Variants in SLC9D1 observed in about 807,000 individuals in gnomAD.
The protein encoded by SLC9D1 is solute carrier family 9 member D1, also known as putative LAG1-interacting protein.
the SLC9D1 span, chr13:113,505,554 A>G: frequency 2.0e-5 from 3 of 152,228 alleles, no homozygotes; most frequent in East Asian, 5.8e-4. Context: ...TTGGAAAGCT[A>G]AATGTGGGGA....
the SLC9D1 span, among the ~76,000 whole-genome samples, chr13:113,546,746 G>A: frequency 6.6e-6 from 1 of 152,168 alleles, no homozygotes. The surrounding 1 kb of genome is among the most constrained non-coding windows in gnomAD (Gnocchi z 7.1). Context: ...CCCCAGCACC[G>A]CCGGCCCCTC....
At chr13:113,534,924 A>T in the SLC9D1 span, 1 of 152,318 alleles carries the variant, frequency 6.6e-6, no homozygotes, top group Admixed American at 6.5e-5. Context: ...TACTAAAAGT[A>T]CAAAAAAAAT....
the SLC9D1 span, chr13:113,539,549 T>A: frequency 2.5e-6 from 4 of 1,599,294 alleles, no homozygotes; most frequent in Admixed American, 6.7e-5. This position sits in a 1 kb window ranked among gnomAD's most constrained non-coding sequence, Gnocchi z 4.8. Flanking sequence ...TGGTTAAACG[T>A]ATGCAGAGTG....
the SLC9D1 span, among the ~76,000 whole-genome samples, chr13:113,513,588 A>G: frequency 6.6e-6 from 1 of 152,216 alleles, no homozygotes; most frequent in Non-Finnish European, 1.5e-5. Context: ...AATGTGTAAT[A>G]TACCCACAGC....
At chr13:113,496,035 AGAGAGGGAGAGAGAGAGAGAGG>A in the SLC9D1 span, 220 of 1,566,116 alleles carry the variant, frequency 1.4e-4, no homozygotes, top group Non-Finnish European at 1.7e-4. Context: ...GGTCAGTCCT[AGAGAGGGAGAGAGAGAGAGAGG>A]GAGAGGGAGA....
the SLC9D1 span, chr13:113,510,094 C>T: frequency 2.8e-6 from 2 of 718,762 alleles, no homozygotes; most frequent in East Asian, 2.5e-5. Flanking sequence ...GAGGATTCAC[C>T]ATGTTCAGAT....
chr13:113,511,031 C>T, the SLC9D1 span, among the ~76,000 whole-genome samples: 16 of 138,892 alleles, frequency 1.2e-4, no homozygotes, highest in South Asian at 2.1e-3. Context: ...TGTCCCTGTG[C>T]GGGGAGGACA....
At chr13:113,510,769 T>C in the SLC9D1 span, among the ~76,000 whole-genome samples, 888 of 152,380 alleles carry the variant, frequency 5.8e-3, 6 homozygotes, top group African/African-American at 0.021. Context: ...GTTTTGCTGC[T>C]TTAATTCTAG....
chr13:113,548,292 C>T, the SLC9D1 span: 860 of 1,613,476 alleles, frequency 5.3e-4, 1 homozygote, highest in African/African-American at 7.9e-3. Flanking sequence ...CGTAATGAAC[C>T]GCTCTTGCAG....
chr13:113,538,259 G>A, the SLC9D1 span, among the ~76,000 whole-genome samples: 21 of 152,176 alleles, frequency 1.4e-4, no homozygotes, highest in Middle Eastern at 3.4e-3. Flanking sequence ...GTATGTGTTC[G>A]TGTGTGTCTG....
chr13:113,548,287 T>C, the SLC9D1 span: 1 of 1,613,368 alleles, frequency 6.2e-7, no homozygotes, highest in Non-Finnish European at 8.5e-7. Context: ...AGTGACGTAA[T>C]GAACCGCTCT....
the SLC9D1 span, chr13:113,536,537 A>G: frequency 1.0e-6 from 1 of 983,622 alleles, no homozygotes; most frequent in South Asian, 4.7e-5. Flanking sequence ...TTTCTCTTTG[A>G]AAATAACTCC....
At chr13:113,509,208 A>AC in the SLC9D1 span, among the ~76,000 whole-genome samples, 3 of 83,556 alleles carry the variant, frequency 3.6e-5, no homozygotes, top group African/African-American at 1.3e-4. Context: ...CTGCCTGTGT[A>AC]TGTTGGGACT....
At chr13:113,510,902 G>A in the SLC9D1 span, among the ~76,000 whole-genome samples, 1 of 152,120 alleles carries the variant, frequency 6.6e-6, no homozygotes, top group African/African-American at 2.4e-5. Flanking sequence ...ATGAAACATT[G>A]CCGCTTCTAA....
At chr13:113,500,004 A>G in the SLC9D1 span, 1 of 1,569,670 alleles carries the variant, frequency 6.4e-7, no homozygotes, top group Non-Finnish European at 8.7e-7. Flanking sequence ...GAGGAAGAAG[A>G]GGCCAATTCT....
the SLC9D1 span, among the ~76,000 whole-genome samples, chr13:113,492,363 A>G: frequency 6.6e-6 from 1 of 152,238 alleles, no homozygotes; most frequent in Non-Finnish European, 1.5e-5. Flanking sequence ...AGTTGTAAGG[A>G]GTAATACAGA....
the SLC9D1 span, among the ~76,000 whole-genome samples, chr13:113,521,947 A>G: frequency 5.3e-5 from 8 of 152,186 alleles, no homozygotes; most frequent in African/African-American, 1.9e-4. Context: ...TACAGCAATG[A>G]GTACAACTGA....
At chr13:113,534,134 A>G in the SLC9D1 span, 4 of 1,613,532 alleles carry the variant, frequency 2.5e-6, no homozygotes, top group Non-Finnish European at 3.4e-6. Flanking sequence ...CTTGTTATAA[A>G]GAAGTATCTC....
the SLC9D1 span, chr13:113,548,243 G>A: frequency 6.3e-7 from 1 of 1,582,592 alleles, no homozygotes; most frequent in Non-Finnish European, 8.6e-7. Flanking sequence ...TCTGTTTCGT[G>A]TGTGTTTAAC....
Sources: gnomAD v4.1 joint callset for allele counts (sites outside exome capture counted in the v4.1 genomes callset) on GRCh38, gnomAD v4.1.1 for gene constraint, Gnocchi (gnomAD v3.1) non-coding constraint, MANE v1.5 for transcripts, NCBI Gene and HGNC (gene_info 2026-07-23, HGNC 2026-07-21) for gene names.